Variants in ALX4 observed in about 807,000 individuals in gnomAD.
The protein encoded by ALX4 is homeobox protein aristaless-like 4.
Under a neutral mutation model 40.6 loss-of-function variants are expected in ALX4, and 22 were observed. The observed-to-expected ratio is 0.54, with a 90% CI of 0.39 to 0.77. The LOEUF (loss-of-function observed/expected upper bound fraction) is 0.77, where lower values mean the gene tolerates loss of function less well. ALX4 is among the 30% of genes least tolerant of loss of function. The pLI is 0.00. For synonymous variants in ALX4, 266 were observed against 240.5 expected (o/e 1.11, Z -0.98); for missense variants, 556 against 564.8 (o/e 0.98, Z 0.16).
intron 1 of ALX4, among the ~76,000 whole-genome samples, chr11:44,281,946 T>A: frequency 6.6e-6 from 1 of 152,196 alleles, no homozygotes; most frequent in East Asian, 1.9e-4. Flanking sequence ...GTCCTCAGGC[T>A]AGCCAGTGGC....
At chr11:44,295,040 AG>A (rs1956395177) in intron 1 of ALX4, among the ~76,000 whole-genome samples, 1 of 151,932 alleles carries the variant, frequency 6.6e-6, no homozygotes, top group African/African-American at 2.4e-5. Flanking sequence ...TAGTAGAGAC[AG>A]GGTTTCACTA....
chr11:44,293,562 CCTG>C (rs1956385766), intron 1 of ALX4, among the ~76,000 whole-genome samples: 1 of 152,256 alleles, frequency 6.6e-6, no homozygotes, highest in Non-Finnish European at 1.5e-5. Context: ...GGATAGATCT[CCTG>C]AGAGGATACT....
intron 1 of ALX4, among the ~76,000 whole-genome samples, chr11:44,302,594 G>A (rs1484573942): frequency 6.6e-6 from 1 of 152,202 alleles, no homozygotes; most frequent in African/African-American, 2.4e-5. Context: ...TAAATACTGG[G>A]ATAGGGAAGA....
chr11:44,303,415 C>T (rs1956446690), intron 1 of ALX4, among the ~76,000 whole-genome samples: 1 of 152,128 alleles, frequency 6.6e-6, no homozygotes, highest in African/African-American at 2.4e-5. Flanking sequence ...AGCCGGTGGC[C>T]CCTCTTACCC....
rs1285323252 is a variant in ALX4, at chr11:44,310,093, G to A, written c.-31C>T. 6.5e-7 allele frequency: 1 copy of A among 1,548,856 alleles called. No homozygotes were observed. Among genetic ancestry groups the A allele is most frequent in the Admixed American group, 1.9e-5 (1 of 51,822 alleles). On this transcript the variant is annotated 5_prime_UTR_variant, in exon 1 of 4. Transcript: ENST00000652299. ...GCTTGCGCAGGCGGCGGGCGGGGAC[G>A]CGAGCGAGGGCGCGAGGACGCCACC...
intron 1 of ALX4, among the ~76,000 whole-genome samples, chr11:44,276,405 C>T (rs1312034623): frequency 6.6e-6 from 1 of 152,240 alleles, no homozygotes; most frequent in African/African-American, 2.4e-5. Context: ...AGCACGCTGA[C>T]CCCGGGCCTG....
intron 1 of ALX4, among the ~76,000 whole-genome samples, chr11:44,290,237 G>A (rs1471091021): frequency 6.6e-6 from 1 of 152,200 alleles, no homozygotes; most frequent in East Asian, 1.9e-4. Flanking sequence ...CCAAGACACT[G>A]TAATATCACT....
chr11:44,305,789 G>A (rs1401407820), intron 1 of ALX4, among the ~76,000 whole-genome samples: 2 of 152,236 alleles, frequency 1.3e-5, no homozygotes, highest in Admixed American at 6.5e-5. Flanking sequence ...TTTTGCGGGT[G>A]GGTGGACGGA....
chr11:44,282,757 A>G (rs748993114), intron 1 of ALX4, among the ~76,000 whole-genome samples: 9 of 152,204 alleles, frequency 5.9e-5, no homozygotes, highest in Non-Finnish European at 1.0e-4. Context: ...CAGCTAGCAC[A>G]TGAATTCTGG....
intron 2 of ALX4, among the ~76,000 whole-genome samples, chr11:44,268,117 C>G (rs77834844): frequency 2.0e-5 from 3 of 152,274 alleles, no homozygotes; most frequent in East Asian, 3.9e-4. Context: ...CTGTCTGCAG[C>G]CTTCTTGTTG....
At chr11:44,292,372 ATT>A (rs1956374626) in intron 1 of ALX4, among the ~76,000 whole-genome samples, 1 of 130,638 alleles carries the variant, frequency 7.7e-6, no homozygotes, top group East Asian at 2.2e-4. Flanking sequence ...CAGCTGGCTA[ATT>A]AAATTTTTTT....
Position 44,293,161 on chromosome 11 carries a change from AAG to A in ALX4, c.466+16434_466+16435del, listed in dbSNP as rs1565007499. ...GAAGGAAGGAAGGAAGGAAGGAAGG[AAG>A]GAAGGAAGCAGGCAGGCAGGGAGGG... On this transcript the variant is annotated intron_variant, in intron 1 of 3. Transcript: ENST00000652299. Among the ~76,000 whole-genome samples, 25 of 30,950 alleles carry A rather than the reference AAG, an allele frequency of 8.1e-4. 1 individual carries two copies. Among genetic ancestry groups the A allele is most frequent in the Non-Finnish European group, 1.4e-3 (21 of 15,336 alleles). The allele number at this position is 30,950 out of a possible 152,430, so 20.3% of individuals were successfully genotyped here.
chr11:44,292,405 A>T (rs1259597655), intron 1 of ALX4, among the ~76,000 whole-genome samples: 1 of 132,818 alleles, frequency 7.5e-6, no homozygotes, highest in Non-Finnish European at 1.6e-5. Flanking sequence ...TTTTTTGTAG[A>T]GACGAGGTGT....
At chr11:44,300,411 T>C (rs1956428297) in intron 1 of ALX4, among the ~76,000 whole-genome samples, 1 of 152,186 alleles carries the variant, frequency 6.6e-6, no homozygotes, top group Non-Finnish European at 1.5e-5. Flanking sequence ...CCCATCTCCA[T>C]GCTGGGATGT....
At chr11:44,297,854 A>G (rs1412999531) in intron 1 of ALX4, among the ~76,000 whole-genome samples, 3 of 152,132 alleles carry the variant, frequency 2.0e-5, no homozygotes, top group Admixed American at 6.5e-5. Flanking sequence ...TTACCCGAAG[A>G]CTTAGTTTGT....
intron 1 of ALX4, among the ~76,000 whole-genome samples, chr11:44,301,915 G>T (rs1005923332): frequency 6.6e-6 from 1 of 152,216 alleles, no homozygotes; most frequent in South Asian, 2.1e-4. Flanking sequence ...CTTGTCAGAC[G>T]GCCTCGCCGC....
chr11:44,303,710 T>C (rs1381201471), intron 1 of ALX4, among the ~76,000 whole-genome samples: 1 of 152,114 alleles, frequency 6.6e-6, no homozygotes, highest in African/African-American at 2.4e-5. Flanking sequence ...TGACAGAACG[T>C]GCTGGGGGTG....
At chr11:44,281,573 G>C (rs1956310532) in intron 1 of ALX4, among the ~76,000 whole-genome samples, 1 of 152,050 alleles carries the variant, frequency 6.6e-6, no homozygotes, top group Admixed American at 6.5e-5. Flanking sequence ...CTGTGGCGGA[G>C]TGCACACACC....
In ALX4 at chr11:44,309,981, G is replaced by T. The variant is rs756783968; in HGVS notation, c.82C>A (p.Arg28=). The T allele has an allele frequency of 1.9e-6, 3 of 1,599,976 alleles. No individual in the cohort carries two copies. In the South Asian group the frequency reaches 3.4e-5, roughly 18 times the overall value. ...DAYYSPVSQS[R]EGSSPFRAFP... ...GCCCTAAAAGGCGACGAGCCCTCCCGACTCTGCGACACCGGGCTGTAGTAG... is the reference window on the plus strand; with the variant it reads ...GCCCTAAAAGGCGACGAGCCCTCCCTACTCTGCGACACCGGGCTGTAGTAG... Residue 28 remains arginine, a synonymous_variant, in exon 1 of 4, where the codon CGG becomes AGG. Coordinates refer to ENST00000652299, the MANE Select transcript of ALX4 (RefSeq NM_021926.4).
Sources: allele counts gnomAD v4.1 joint callset (sites outside exome capture counted in the v4.1 genomes callset), GRCh38; gene constraint gnomAD v4.1.1; transcripts MANE v1.5; gene names NCBI Gene and HGNC (gene_info 2026-07-23, HGNC 2026-07-21).